The following NKAIN4 variants were observed in gnomAD, a reference collection of about 807,000 sequenced individuals.
NKAIN4 encodes sodium/potassium-transporting ATPase subunit beta-1-interacting protein 4.
NKAIN4 carries 28 observed loss-of-function variants against 28.8 expected under a neutral mutation model. That is an observed-to-expected ratio of 0.97 (90% CI 0.72 to 1.33). The LOEUF is 1.33. Among genes scored for constraint, NKAIN4 ranks in the 40% most tolerant of loss-of-function variants. The pLI is 0.00. For missense variants in NKAIN4, 289 were observed against 277.2 expected, an observed-to-expected ratio of 1.04 and a Z score of -0.30; for synonymous variants, 122 against 115.6, an observed-to-expected ratio of 1.06 and a Z score of -0.36.
Position 63,252,829 on chromosome 20 carries a change from A to G in NKAIN4, c.54+1568T>C, listed in dbSNP as rs554637072. Among the ~76,000 whole-genome samples, 13 of 152,240 alleles carry G rather than the reference A, an allele frequency of 8.5e-5. No homozygotes were observed. The highest frequency in any genetic ancestry group is 3.1e-4 in the African/African-American group (13 of 41,528). The stretch of plus-strand genomic sequence containing the variant: ...CTGTCCACCGCAGAGGTGAAACGGG[A>G]ACATGACCCCACCCGCCCCTCTGCA... On this transcript the variant is annotated intron_variant, in intron 1 of 6. Coordinates refer to ENST00000370316, the MANE Select transcript of NKAIN4 (RefSeq NM_152864.4). The surrounding 1 kb of genome is among the most constrained non-coding windows in gnomAD (Gnocchi z 4.6).
rs549737757 is a variant in NKAIN4, at chr20:63,252,181, G to A, written c.55-2109C>T. ...GAAGCCAAGGCTCCCAGAGGCTCAG[G>A]GCTCCATGACATGTGGCGACATGCA... On this transcript the variant is annotated intron_variant, in intron 1 of 6. Transcript: ENST00000370316. This position sits in a 1 kb window ranked among gnomAD's most constrained non-coding sequence, Gnocchi z 4.6. Among the ~76,000 whole-genome samples, 16 of 152,288 alleles carry A rather than the reference G, an allele frequency of 1.1e-4. No homozygotes were observed. Among genetic ancestry groups the A allele is most frequent in the African/African-American group, 3.6e-4 (15 of 41,552 alleles).
intron 6 of NKAIN4, chr20:63,241,810 G>C: frequency 1.8e-6 from 1 of 569,204 alleles, no homozygotes; most frequent in Non-Finnish European, 3.3e-6. Flanking sequence ...CTCAGGGTCT[G>C]CGTGTGACCC....
rs750271376 is a variant in NKAIN4, at chr20:63,248,891, G to A, written c.197C>T (p.Thr66Met). 63 of 1,610,496 alleles carry A rather than the reference G, an allele frequency of 3.9e-5. No individual in the cohort carries two copies. The East Asian group carries it at 4.0e-4, about 10-fold the overall frequency. Residue 66 changes from threonine to methionine, a missense_variant, in exon 3 of 7, where the codon ACG becomes ATG. Coordinates refer to ENST00000370316, the MANE Select transcript of NKAIN4 (RefSeq NM_152864.4). Reference protein sequence around the residue: ...QYRLRYVMVYTLWAAVWVTWN... With the variant: ...QYRLRYVMVYMLWAAVWVTWN... ...GGTGACCCAGACGGCTGCCCACAGC[G>A]TGTACTAGGGAGAGGAGAGGATGGG...
chr20:63,254,858 G>C (rs1310292273), upstream of NKAIN4: 9 of 168,500 alleles, frequency 5.3e-5, no homozygotes, highest in East Asian at 1.4e-3. Context: ...TCCGGCGTGA[G>C]ATCCCCATCA....
At chr20:63,246,792 G>A (rs758436064) in intron 4 of NKAIN4, 216 of 985,310 alleles carry the variant, frequency 2.2e-4, no homozygotes, top group Non-Finnish European at 2.5e-4. Context: ...CCACACACCC[G>A]CCTCAGCTTT....
intron 4 of NKAIN4, chr20:63,247,037 G>A (rs535530341): frequency 1.3e-5 from 13 of 1,005,114 alleles, no homozygotes; most frequent in East Asian, 2.2e-4. Flanking sequence ...AGCGCCACCC[G>A]GGGCCACAGA....
chr20:63,248,631 T>C (rs1244311899), intron 3 of NKAIN4, 184 bp downstream of exon 3: 4 of 566,244 alleles, frequency 7.1e-6, no homozygotes, highest in Non-Finnish European at 1.3e-5. Context: ...CACTGGTCTT[T>C]CCCCAAACCT....
At position 63,245,383 on chromosome 20, in the gene NKAIN4, C is replaced by T. The variant is rs1449049994; in HGVS notation, c.472-1299G>A. The stretch of plus-strand genomic sequence containing the variant: ...GCCCCCATCCCGGAGCTGGCCGTGG[C>T]GCCGAACAGGCAGCCGAGCTTGGGG... On this transcript the variant is annotated intron_variant, in intron 4 of 6. Coordinates refer to ENST00000370316, the MANE Select transcript of NKAIN4 (RefSeq NM_152864.4). The surrounding 1 kb of genome is among the most constrained non-coding windows in gnomAD (Gnocchi z 4.7). Among the ~76,000 whole-genome samples the T allele has an allele frequency of 6.6e-6, 1 of 152,116 alleles. No individual in the cohort carries two copies. Among genetic ancestry groups the T allele is most frequent in the African/African-American group, 2.4e-5 (1 of 41,408 alleles).
In NKAIN4 at chr20:63,252,409, G is replaced by A. The variant is rs2066976566; in HGVS notation, c.54+1988C>T. 6.6e-6 allele frequency among the ~76,000 whole-genome samples: 1 copy of A among 152,040 alleles called. No homozygotes were observed. Among genetic ancestry groups the A allele is most frequent in the South Asian group, 2.1e-4 (1 of 4,822 alleles). On this transcript the variant is annotated intron_variant, in intron 1 of 6. Transcript: ENST00000370316. The surrounding 1 kb of genome is among the most constrained non-coding windows in gnomAD (Gnocchi z 4.6). ...TTTGGGGAGAAAGGCGCTCAGAAGA[G>A]ATGCCTGGGCCCTTTGTCCTGTAGC...
chr20:63,246,557 T>C, intron 4 of NKAIN4: 1 of 985,356 alleles, frequency 1.0e-6, no homozygotes, highest in Non-Finnish European at 1.2e-6. Context: ...ACGGGCTCCT[T>C]AGATTTGGAA....
chr20:63,254,578 AC>A (rs2067019281), upstream of NKAIN4: 1 of 627,390 alleles, frequency 1.6e-6, no homozygotes, highest in Non-Finnish European at 2.3e-6. Flanking sequence ...CCTCCCCGCA[AC>A]CCCCGGCCCA....
Position 63,252,733 on chromosome 20 carries a change from A to G in NKAIN4, c.54+1664T>C, listed in dbSNP as rs2066983010. ...TGCTAGTGAAGCCCTGCGGCCCTCAAGCCAGGATGACTCTTTCCCTCTTGG... is the reference window on the plus strand; with the variant it reads ...TGCTAGTGAAGCCCTGCGGCCCTCAGGCCAGGATGACTCTTTCCCTCTTGG... On this transcript the variant is annotated intron_variant, in intron 1 of 6. Transcript: ENST00000370316. The surrounding 1 kb of genome is among the most constrained non-coding windows in gnomAD (Gnocchi z 4.6). 6.6e-6 allele frequency among the ~76,000 whole-genome samples: 1 copy of G among 152,150 alleles called. No individual in the cohort carries two copies. The highest frequency in any genetic ancestry group is 6.5e-5 in the Admixed American group (1 of 15,276).
chr20:63,246,920 G>T, intron 4 of NKAIN4: 1 of 985,764 alleles, frequency 1.0e-6, no homozygotes, highest in Non-Finnish European at 1.2e-6. Context: ...GGAAGTGGCC[G>T]TGTGGCCATA....
chr20:63,242,063 A>G (rs1249249361), intron 6 of NKAIN4, among the ~76,000 whole-genome samples: 1 of 152,088 alleles, frequency 6.6e-6, no homozygotes, highest in Non-Finnish European at 1.5e-5. Context: ...GTTTCAGAGG[A>G]GGCCAGGTGG....
Position 63,242,580 on chromosome 20 carries a change from G to C in NKAIN4, c.576C>G (p.Val192=). The change falls in exon 6 of 7, where the codon GTC becomes GTG. Residue 192 remains valine (V), a synonymous_variant. Coordinates refer to ENST00000370316, the MANE Select transcript of NKAIN4 (RefSeq NM_152864.4). ...ACAAGAGACTGGATGGCTTTTCATT[G>C]ACATGGTAGAGAGGAAATGGATCAA... ...GGFDPFPLYH[V]NEKPSSLLSK... is the part of the protein sequence containing the mutation. 1.2e-6 allele frequency: 2 copies of C among 1,613,576 alleles called. No individual in the cohort carries two copies. The highest frequency in any genetic ancestry group is 1.7e-6 in the Non-Finnish European group (2 of 1,179,668).
At chr20:63,250,844 G>A (rs1328041050) in intron 1 of NKAIN4, among the ~76,000 whole-genome samples, 3 of 152,086 alleles carry the variant, frequency 2.0e-5, no homozygotes, top group African/African-American at 7.2e-5. Context: ...CCACGTGCTG[G>A]TGAAGCACAA....
intron 2 of NKAIN4, among the ~76,000 whole-genome samples, chr20:63,249,699 C>T (rs570545895): frequency 6.6e-6 from 1 of 152,262 alleles, no homozygotes; most frequent in African/African-American, 2.4e-5. Context: ...CGTTCAGTGC[C>T]TGGGGCCCCC....
intron 1 of NKAIN4, 174 bp downstream of exon 1, chr20:63,254,223 C>T (rs1012593587): frequency 1.9e-6 from 1 of 513,630 alleles, no homozygotes; most frequent in South Asian, 4.2e-5. Flanking sequence ...CCCCACGCCC[C>T]GCAGGCGACG....
At chr20:63,254,485 C>G (rs1351604913), upstream of NKAIN4, 23 of 1,286,740 alleles carry the variant, frequency 1.8e-5, no homozygotes, top group South Asian at 2.3e-5. Flanking sequence ...CCGGGTGCCC[C>G]GCGCTCGGCC....
Sources: allele counts gnomAD v4.1 joint callset (sites outside exome capture counted in the v4.1 genomes callset), GRCh38; gene constraint gnomAD v4.1.1; non-coding constraint Gnocchi (gnomAD v3.1); transcripts MANE v1.5; gene names NCBI Gene and HGNC (gene_info 2026-07-23, HGNC 2026-07-21).